The following STXBP5L variants were observed in gnomAD, a reference collection of about 807,000 sequenced individuals.
STXBP5L encodes the protein syntaxin-binding protein 5-like.
STXBP5L carries 65 observed loss-of-function variants against 144.5 expected under a neutral mutation model. That is an observed-to-expected ratio of 0.45 (90% CI 0.37 to 0.55). STXBP5L has a LOEUF of 0.55. Ranked by LOEUF, STXBP5L falls within the 20% of genes least tolerant of loss-of-function variation. STXBP5L has a pLI of 0.00. For synonymous variants in STXBP5L, 505 were observed against 469.6 expected, an observed-to-expected ratio of 1.08 and a Z score of -0.97; for missense variants, 1,298 against 1,405.5, an observed-to-expected ratio of 0.92 and a Z score of 1.22.
intron 9 of STXBP5L, among the ~76,000 whole-genome samples, chr3:121,199,478 T>C (rs1178820033): frequency 6.6e-6 from 1 of 152,158 alleles, no homozygotes; most frequent in East Asian, 1.9e-4. Context: ...TTCATTTCTT[T>C]CTCTTGCCTG....
chr3:121,331,322 C>G (rs2044314817), intron 20 of STXBP5L, among the ~76,000 whole-genome samples: 1 of 152,202 alleles, frequency 6.6e-6, no homozygotes, highest in African/African-American at 2.4e-5. Flanking sequence ...CCTTGCTCGC[C>G]ACTGCAGACA....
chr3:120,911,287 A>G (rs1708825087), intron 2 of STXBP5L, among the ~76,000 whole-genome samples: 1 of 152,138 alleles, frequency 6.6e-6, no homozygotes, highest in Non-Finnish European at 1.5e-5. Flanking sequence ...ATACATAGTT[A>G]TCTTCCCATT....
chr3:121,199,866 G>A (rs2048070539), intron 9 of STXBP5L, among the ~76,000 whole-genome samples: 2 of 151,996 alleles, frequency 1.3e-5, no homozygotes, highest in African/African-American at 4.8e-5. Context: ...TTTTTGATGT[G>A]CTGCTGGATT....
At position 121,253,868 on chromosome 3, in the gene STXBP5L, T is replaced by C. The variant is rs180780373; in HGVS notation, c.1442-1027T>C. 7.3e-4 allele frequency among the ~76,000 whole-genome samples: 108 copies of C among 147,090 alleles called. 2 individuals are homozygous for C. Among genetic ancestry groups the C allele is most frequent in the South Asian group, 5.6e-3 (26 of 4,626 alleles). Reference sequence around the variant, plus strand: ...CGGGGTTTCACCACGTTAGCCAGGATAGTCTCGATCTCCTGACCTGGTGAT... The same window carrying C: ...CGGGGTTTCACCACGTTAGCCAGGACAGTCTCGATCTCCTGACCTGGTGAT... On this transcript the variant is annotated intron_variant, in intron 15 of 26. Transcript: ENST00000471454.
intron 19 of STXBP5L, among the ~76,000 whole-genome samples, chr3:121,294,397 G>A (rs1189070145): frequency 6.6e-6 from 1 of 152,152 alleles, no homozygotes; most frequent in Non-Finnish European, 1.5e-5. Flanking sequence ...GATAGGAGGG[G>A]GCATGTGGTG....
intron 11 of STXBP5L, among the ~76,000 whole-genome samples, chr3:121,227,262 C>G (rs2049150294): frequency 6.6e-6 from 1 of 152,146 alleles, no homozygotes; most frequent in African/African-American, 2.4e-5. Flanking sequence ...TTATCCTTAT[C>G]AATTACTTAA....
rs1160304177 is a variant in STXBP5L, at chr3:121,378,696, C to CT, written c.2177-20_2177-19insT. On this transcript the variant is annotated intron_variant, in intron 20 of 26. Coordinates refer to ENST00000471454, the MANE Select transcript of STXBP5L (RefSeq NM_001308330.2). ...AGAGTTAATCATTATATGTATGCTGCCTTCCTCCTCTTGGCACAGACCATG... is the reference window on the plus strand; with the variant it reads ...AGAGTTAATCATTATATGTATGCTGCTCTTCCTCCTCTTGGCACAGACCATG... 1 of 1,610,032 alleles carries CT rather than the reference C, an allele frequency of 6.2e-7. No homozygotes were observed. The highest frequency in any genetic ancestry group is 1.1e-5 in the South Asian group (1 of 90,784).
At chr3:121,356,809 T>G (rs577661284) in intron 20 of STXBP5L, among the ~76,000 whole-genome samples, 1 of 152,286 alleles carries the variant, frequency 6.6e-6, no homozygotes, top group South Asian at 2.1e-4. Flanking sequence ...GCTGTTCCTA[T>G]TTGGCCATCT....
chr3:121,099,209 C>G (rs2043291663), intron 5 of STXBP5L: 1 of 152,200 alleles, frequency 6.6e-6, no homozygotes, highest in Admixed American at 6.5e-5. Flanking sequence ...GGGTGACTGT[C>G]TGCCAAATTG....
chr3:121,392,776 T>TGC (rs1389418096), intron 22 of STXBP5L, among the ~76,000 whole-genome samples: 133 of 42,636 alleles, frequency 3.1e-3, no homozygotes, highest in South Asian at 0.014. Flanking sequence ...ATGGCATATA[T>TGC]ATATATATAT....
At chr3:121,007,363 C>T (rs1212873180) in intron 3 of STXBP5L, among the ~76,000 whole-genome samples, 3 of 151,608 alleles carry the variant, frequency 2.0e-5, no homozygotes, top group Non-Finnish European at 4.4e-5. Flanking sequence ...ATAGTTTTGG[C>T]TGGTGTAGTT....
chr3:120,987,557 T>G (rs1942404452), intron 3 of STXBP5L, among the ~76,000 whole-genome samples: 1 of 151,938 alleles, frequency 6.6e-6, no homozygotes, highest in Admixed American at 6.6e-5. Context: ...TTTCTTTCAT[T>G]TCTTAACTTG....
intron 9 of STXBP5L, among the ~76,000 whole-genome samples, chr3:121,203,963 G>A (rs1215659609): frequency 6.6e-6 from 1 of 152,134 alleles, no homozygotes; most frequent in Non-Finnish European, 1.5e-5. Flanking sequence ...TCAGGGCTGG[G>A]CTTGGTGGCT....
chr3:121,102,053 A>T (rs1450892966), intron 5 of STXBP5L, among the ~76,000 whole-genome samples: 2 of 152,170 alleles, frequency 1.3e-5, no homozygotes, highest in Non-Finnish European at 2.9e-5. Context: ...CAGCTGAAAG[A>T]AATCATAGGT....
At chr3:121,317,567 G>A (rs2108528867) in intron 19 of STXBP5L, among the ~76,000 whole-genome samples, 1 of 152,168 alleles carries the variant, frequency 6.6e-6, no homozygotes, top group Middle Eastern at 3.4e-3. Flanking sequence ...GCTCTCAAAT[G>A]TTTCTGAGCA....
intron 22 of STXBP5L, among the ~76,000 whole-genome samples, chr3:121,383,125 AT>A: frequency 6.6e-6 from 1 of 151,846 alleles, no homozygotes; most frequent in African/African-American, 2.4e-5. Flanking sequence ...CTACCAAAAA[AT>A]TTTTTTAAAT....
chr3:121,059,926 A>G (rs1356496548), intron 5 of STXBP5L, among the ~76,000 whole-genome samples: 2 of 152,186 alleles, frequency 1.3e-5, no homozygotes, highest in East Asian at 1.9e-4. Flanking sequence ...AACAAAGACA[A>G]TTTGATTTCC....
At chr3:121,003,934 G>A (rs1041801277) in intron 3 of STXBP5L, among the ~76,000 whole-genome samples, 10 of 152,184 alleles carry the variant, frequency 6.6e-5, no homozygotes, top group African/African-American at 9.7e-5. Context: ...CCAGTACCAC[G>A]CTGTTTTGGT....
At chr3:121,180,346 T>C (rs951260260) in intron 9 of STXBP5L, among the ~76,000 whole-genome samples, 2 of 152,196 alleles carry the variant, frequency 1.3e-5, no homozygotes, top group Middle Eastern at 3.2e-3. Context: ...CTAAGCTTCA[T>C]TAATGAAGGA....
Sources: allele counts gnomAD v4.1 joint callset (sites outside exome capture counted in the v4.1 genomes callset), GRCh38; gene constraint gnomAD v4.1.1; transcripts MANE v1.5; gene names NCBI Gene and HGNC (gene_info 2026-07-23, HGNC 2026-07-21).